Variants in NWD1 observed in about 807,000 individuals in gnomAD.
The protein encoded by NWD1 is NACHT and WD repeat domain containing 1, also known as NACHT domain- and WD repeat-containing protein 1.
A neutral mutation model predicts 135.1 loss-of-function variants in NWD1; 129 were observed. That is an observed-to-expected ratio of 0.96 (90% CI 0.83 to 1.11). The LOEUF is 1.11. Ranked by LOEUF, NWD1 falls within the 50% of genes least tolerant of loss-of-function variation. The pLI, the probability that NWD1 is intolerant of heterozygous loss-of-function variation, is 0.00. For missense variants in NWD1, 1,740 were observed against 1,851.3 expected (o/e 0.94, Z 1.10); for synonymous variants, 773 against 786.0 (o/e 0.98, Z 0.28).
At chr19:16,758,990 T>G in intron 6 of NWD1, among the ~76,000 whole-genome samples, 1 of 104,706 alleles carries the variant, frequency 9.6e-6, no homozygotes, top group Non-Finnish European at 1.7e-5. Context: ...GGCGACAGAG[T>G]GAAACTCTGT....
intron 2 of NWD1, among the ~76,000 whole-genome samples, chr19:16,730,571 T>C (rs1967518266): frequency 6.6e-6 from 1 of 151,444 alleles, no homozygotes; most frequent in Admixed American, 6.6e-5. Flanking sequence ...AAAAAATATA[T>C]ATGGCTGTGG....
chr19:16,721,971 A>G (rs1967152250), intron 1 of NWD1, among the ~76,000 whole-genome samples: 1 of 151,922 alleles, frequency 6.6e-6, no homozygotes, highest in Admixed American at 6.6e-5. Flanking sequence ...ACTTAAGCCT[A>G]GCATGGTGGC....
chr19:16,775,210 G>T (rs78732370), intron 11 of NWD1, among the ~76,000 whole-genome samples: 20 of 152,052 alleles, frequency 1.3e-4, no homozygotes, highest in African/African-American at 4.6e-4. Flanking sequence ...TTTAGGGGCA[G>T]CCACTAGAAT....
intron 3 of NWD1, among the ~76,000 whole-genome samples, chr19:16,735,464 C>T (rs1304038539): frequency 6.6e-6 from 1 of 150,416 alleles, no homozygotes; most frequent in African/African-American, 2.4e-5. Flanking sequence ...TGAGAGTGCA[C>T]CACTAAGCTC....
At chr19:16,753,809 C>T (rs1324039522) in intron 6 of NWD1, among the ~76,000 whole-genome samples, 1 of 150,500 alleles carries the variant, frequency 6.6e-6, no homozygotes. Flanking sequence ...ATCCCTCCCT[C>T]CCTCCCTCCA....
chr19:16,806,084 A>G (rs2608723), intron 17 of NWD1, among the ~76,000 whole-genome samples: 29,159 of 151,788 alleles, frequency 0.19, 5,261 homozygotes, highest in African/African-American at 0.47. Flanking sequence ...TGTTGGCCAG[A>G]CTGGTCTCAA....
chr19:16,803,339 C>T (rs573245450), intron 17 of NWD1, among the ~76,000 whole-genome samples: 1 of 152,232 alleles, frequency 6.6e-6, no homozygotes, highest in Admixed American at 6.6e-5. Flanking sequence ...CAGACTTAGA[C>T]AGGCCCCAGC....
At chr19:16,787,597 C>T (rs934857863) in intron 12 of NWD1, among the ~76,000 whole-genome samples, 7 of 152,170 alleles carry the variant, frequency 4.6e-5, no homozygotes, top group Admixed American at 1.3e-4. Flanking sequence ...CAGTGGCTCA[C>T]GCCTGTAATC....
rs568003801 is a variant in NWD1, at chr19:16,800,081, G to C, written c.3655G>C (p.Ala1219Pro). The part of the protein sequence containing the change: ...APFLDRTGLT[A>P]VSHNGSYVYF... ...ATTTCTGGACCGCACCGGCCTCACC[G>C]CAGTGTCCCACAATGGAAGCTACGT... Residue 1219 changes from alanine to proline, a missense_variant, in exon 17 of 19, where the codon GCA becomes CCA. By Grantham distance (27) the Ala-to-Pro change is conservative. Transcript: ENST00000524140. 4 of 1,614,084 alleles carry C rather than the reference G, an allele frequency of 2.5e-6. No homozygotes were observed. The South Asian group carries it at 4.4e-5, about 18-fold the overall frequency.
intron 17 of NWD1, among the ~76,000 whole-genome samples, chr19:16,804,474 A>G (rs556346923): frequency 4.5e-4 from 68 of 152,070 alleles, no homozygotes; most frequent in Middle Eastern, 3.4e-3. Context: ...ACATGCCTGT[A>G]GTCCTAGTTA....
At position 16,811,672 on chromosome 19, in the gene NWD1, A is replaced by T. The variant is rs191327481; in HGVS notation, c.4288-3356A>T. ...CCTACAATTGTTCCTTTCAGTGCAA[A>T]ATGTATCTAAACCTTTCTATCCAAT... On this transcript the variant is annotated intron_variant, in intron 18 of 18. Transcript: ENST00000524140. Among the ~76,000 whole-genome samples the T allele has an allele frequency of 3.3e-5, 5 of 152,250 alleles. No homozygotes were observed. The East Asian group carries it at 9.6e-4, about 29-fold the overall frequency.
intron 1 of NWD1, among the ~76,000 whole-genome samples, chr19:16,723,388 G>T (rs565817609): frequency 6.6e-6 from 1 of 152,098 alleles, no homozygotes; most frequent in Non-Finnish European, 1.5e-5. Context: ...TTGTAGAAAT[G>T]GGGTTTCACC....
In NWD1 at chr19:16,797,762, C is replaced by A; in HGVS notation, c.3335C>A (p.Ala1112Glu). 1 of 1,613,938 alleles carries A rather than the reference C, an allele frequency of 6.2e-7. No individual in the cohort carries two copies. The highest frequency in any genetic ancestry group is 8.5e-7 in the Non-Finnish European group (1 of 1,179,898). The change falls in exon 16 of 19, where the codon GCG (alanine) becomes GAG (glutamate). Residue 1112 changes from alanine to glutamate, a missense_variant. Ala to Glu is a moderately radical substitution (Grantham distance 107). Transcript: ENST00000524140. The part of the protein sequence containing the change: ...GFGRSVRIFL[A>E]DSRGFRRFMA... ...GGAAGATCGGTGCGGATATTCTTGG[C>A]GGACTCGAGGGGCTTTCGCCGATTC... is the stretch of plus-strand genomic sequence containing the variant.
chr19:16,786,975 A>G, intron 12 of NWD1, among the ~76,000 whole-genome samples: 1 of 152,110 alleles, frequency 6.6e-6, no homozygotes, highest in South Asian at 2.1e-4. Flanking sequence ...TATGTTGCAA[A>G]TATTTCCTCC....
At position 16,769,899 on chromosome 19, in the gene NWD1, A is replaced by G. The variant is rs541266294; in HGVS notation, c.2411-3227A>G. Among the ~76,000 whole-genome samples, 4 of 152,256 alleles carry G rather than the reference A, an allele frequency of 2.6e-5. No individual in the cohort carries two copies. In the East Asian group the frequency reaches 7.7e-4, roughly 29 times the overall value. ...GTTGTCCAGGCTGGAGTGCAATGGC[A>G]TGATCATAGCGCACAGCACCTTCAA... On this transcript the variant is annotated intron_variant, in intron 10 of 18. Coordinates refer to ENST00000524140, the MANE Select transcript of NWD1 (RefSeq NM_001007525.5).
rs115823171 is a variant in NWD1, at chr19:16,780,678, G to A, written c.2731+1213G>A. Among the ~76,000 whole-genome samples, 1,061 of 149,502 alleles carry A rather than the reference G, an allele frequency of 7.1e-3. 12 individuals are homozygous for A. The highest frequency in any genetic ancestry group is 0.025 in the African/African-American group (995 of 40,402). Reference sequence around the variant, plus strand: ...TTTCTTTTTCTCATTCTTTTTTTCTGACAGGGTGTTGCTCTGTTGCCCAAG... The same window carrying A: ...TTTCTTTTTCTCATTCTTTTTTTCTAACAGGGTGTTGCTCTGTTGCCCAAG... On this transcript the variant is annotated intron_variant, in intron 12 of 18. Transcript: ENST00000524140.
chr19:16,804,362 C>T (rs1317238953), intron 17 of NWD1, among the ~76,000 whole-genome samples: 1 of 152,062 alleles, frequency 6.6e-6, no homozygotes, highest in Admixed American at 6.6e-5. Flanking sequence ...GAGAGGATCA[C>T]TTGAGGCCAG....
At chr19:16,788,687 A>T (rs1405098023) in intron 12 of NWD1, among the ~76,000 whole-genome samples, 2 of 151,642 alleles carry the variant, frequency 1.3e-5, no homozygotes, top group African/African-American at 4.8e-5. Flanking sequence ...TTGCAGATGT[A>T]TTTTTTCTGT....
chr19:16,804,609 T>A (rs1970698403), intron 17 of NWD1, among the ~76,000 whole-genome samples: 1 of 151,796 alleles, frequency 6.6e-6, no homozygotes, highest in Non-Finnish European at 1.5e-5. Context: ...TTTTTTTAAT[T>A]TAAAGAAAGA....
Sources: gnomAD v4.1 joint callset for allele counts (sites outside exome capture counted in the v4.1 genomes callset) on GRCh38, gnomAD v4.1.1 for gene constraint, MANE v1.5 for transcripts, NCBI Gene and HGNC (gene_info 2026-07-23, HGNC 2026-07-21) for gene names.